LRRC27: variants seen among roughly 807,000 people sequenced by gnomAD.
The protein encoded by LRRC27 is leucine-rich repeat-containing protein 27.
In LRRC27, 57 loss-of-function variants were observed where a neutral mutation model predicts 55.0. That is an observed-to-expected ratio of 1.04 (90% CI 0.84 to 1.29). LRRC27 has a LOEUF of 1.29. Ranked by LOEUF, LRRC27 falls within the 50% of genes most tolerant of loss-of-function variation. The pLI is 0.00. For synonymous variants in LRRC27, 278 were observed against 251.9 expected (o/e 1.10, Z -0.98); for missense variants, 721 against 651.5 (o/e 1.11, Z -1.16).
At chr10:132,334,667 C>T (rs2067031033) in intron 2 of LRRC27, among the ~76,000 whole-genome samples, 1 of 152,220 alleles carries the variant, frequency 6.6e-6, no homozygotes. Flanking sequence ...TCTTTCTTTC[C>T]TTCATGCTGA....
chr10:132,341,450 A>G (rs2067411150), intron 3 of LRRC27, among the ~76,000 whole-genome samples: 1 of 152,196 alleles, frequency 6.6e-6, no homozygotes, highest in African/African-American at 2.4e-5. Context: ...AAGTTACAAA[A>G]TAGAGTTTAA....
chr10:132,344,559 G>A lies in LRRC27; in HGVS notation c.462G>A (p.Gln154=), dbSNP rs755372917. 6.2e-7 allele frequency: 1 copy of A among 1,614,106 alleles called. No individual in the cohort carries two copies. Among genetic ancestry groups the A allele is most frequent in the East Asian group, 2.2e-5 (1 of 44,894 alleles). The change falls in exon 5 of 11, where the codon CAG becomes CAA. Residue 154 remains glutamine (Q), a synonymous_variant. Coordinates refer to ENST00000368614, the MANE Select transcript of LRRC27 (RefSeq NM_030626.3). ...LRHCPLEFPP[Q]LVVQKGLVAI... is the part of the protein sequence containing the mutation. ...ACTGCCCTCTGGAATTCCCTCCTCA[G>A]CTCGTTGTGCAGAAGGGATTGGTGG...
At chr10:132,370,963 C>T (rs1014984947) in intron 10 of LRRC27, among the ~76,000 whole-genome samples, 2 of 152,220 alleles carry the variant, frequency 1.3e-5, no homozygotes, top group African/African-American at 4.8e-5. Flanking sequence ...GAGCAAACCC[C>T]GCAGCAGCGT....
intron 2 of LRRC27, among the ~76,000 whole-genome samples, chr10:132,334,807 C>G (rs898163079): frequency 5.3e-5 from 8 of 152,152 alleles, no homozygotes; most frequent in African/African-American, 1.9e-4. Flanking sequence ...GTTTCTGTTA[C>G]CTTTATGCAC....
intron 6 of LRRC27, chr10:132,349,192 C>G: frequency 1.4e-6 from 1 of 690,452 alleles, no homozygotes. Context: ...GGCACATTGT[C>G]ATAGCCGAGG....
intron 8 of LRRC27, among the ~76,000 whole-genome samples, chr10:132,358,999 CG>C: frequency 2.2e-5 from 1 of 45,882 alleles, no homozygotes; most frequent in South Asian, 1.1e-3. Flanking sequence ...GGGAAGGAGC[CG>C]AGGTGGTGGA....
chr10:132,337,743 C>A lies in LRRC27; in HGVS notation c.341+48C>A, dbSNP rs773790021. On this transcript the variant is annotated intron_variant, in intron 3 of 10. Coordinates refer to ENST00000368614, the MANE Select transcript of LRRC27 (RefSeq NM_030626.3). ...TTTTAAAAATCATCTTTTCAGTGCA[C>A]GAGTGCCTGTTCTTTCGCTCCTTGT... The A allele has an allele frequency of 2.5e-6, 4 of 1,598,226 alleles. No homozygotes were observed. In the Admixed American group the frequency reaches 6.8e-5, roughly 27 times the overall value.
rs1384095712 is a variant in LRRC27, at chr10:132,375,147, G to A, written c.1498G>A (p.Gly500Arg). The A allele has an allele frequency of 6.2e-7, 1 of 1,614,138 alleles. No homozygotes were observed. The highest frequency in any genetic ancestry group is 8.5e-7 in the Non-Finnish European group (1 of 1,179,998). ...AGATCGTCGACGGGCGGCCCTCACTGGAAACCTTTCGCTTGGCCTGCCGGC... is the reference window on the plus strand; with the variant it reads ...AGATCGTCGACGGGCGGCCCTCACTAGAAACCTTTCGCTTGGCCTGCCGGC... ...NKDRRRAALT[G>R]NLSLGLPAAQ... Residue 500 changes from glycine to arginine, a missense_variant, in exon 11 of 11, where the codon GGA (glycine) becomes AGA (arginine). By Grantham distance (125) the Gly-to-Arg change is moderately radical. Coordinates refer to ENST00000368614, the MANE Select transcript of LRRC27 (RefSeq NM_030626.3).
chr10:132,349,553 C>G (rs1198211210), intron 6 of LRRC27, among the ~76,000 whole-genome samples: 1 of 152,210 alleles, frequency 6.6e-6, no homozygotes, highest in Non-Finnish European at 1.5e-5. Flanking sequence ...TATCCTGAGC[C>G]TGCTGCTTAG....
At chr10:132,371,935 C>T (rs2069226282) in intron 10 of LRRC27, among the ~76,000 whole-genome samples, 1 of 152,232 alleles carries the variant, frequency 6.6e-6, no homozygotes. Flanking sequence ...TGGGGGCTGG[C>T]AGGTGAGCCC....
At chr10:132,371,182 C>T (rs895823361) in intron 10 of LRRC27, among the ~76,000 whole-genome samples, 17 of 152,256 alleles carry the variant, frequency 1.1e-4, no homozygotes, top group Non-Finnish European at 1.5e-5. Flanking sequence ...CCGCGCATGG[C>T]GTGGCGCTGG....
At chr10:132,340,564 A>G (rs1050969711) in intron 3 of LRRC27, among the ~76,000 whole-genome samples, 1 of 152,192 alleles carries the variant, frequency 6.6e-6, no homozygotes, top group African/African-American at 2.4e-5. Flanking sequence ...ATACTAGCAA[A>G]ATTCAGAGGG....
At chr10:132,335,660 T>A (rs904694108) in intron 2 of LRRC27, among the ~76,000 whole-genome samples, 1 of 152,100 alleles carries the variant, frequency 6.6e-6, no homozygotes, top group Non-Finnish European at 1.5e-5. Flanking sequence ...TGGTTCCTCA[T>A]AGGCAGAGTA....
upstream of LRRC27, chr10:132,331,731 T>C: frequency 6.2e-7 from 1 of 1,612,360 alleles, no homozygotes; most frequent in South Asian, 1.1e-5. Flanking sequence ...AGACGGCACT[T>C]AGCATCCCGC....
intron 10 of LRRC27, 141 bp downstream of exon 10, chr10:132,365,691 T>C: frequency 2.9e-6 from 3 of 1,045,928 alleles, no homozygotes; most frequent in Non-Finnish European, 4.0e-6. Flanking sequence ...AGCCTCCACC[T>C]CCCAGGTTCA....
chr10:132,361,484 G>A lies in LRRC27; in HGVS notation c.1198G>A (p.Asp400Asn), dbSNP rs765412847. ...GGCATCAAAGATTCCCTCTGCCACAGATCTGATAGATAACAGGAAAGTACC... is the reference window on the plus strand; with the variant it reads ...GGCATCAAAGATTCCCTCTGCCACAAATCTGATAGATAACAGGAAAGTACC... Reference protein sequence around the residue: ...MVASKIPSATDLIDNRKVPLN... With the variant: ...MVASKIPSATNLIDNRKVPLN... The change falls in exon 9 of 11, where the codon GAT becomes AAT. Residue 400 changes from aspartate (D) to asparagine (N), a missense_variant. Physicochemically the swap from Asp to Asn is conservative, Grantham distance 23 (BLOSUM62 1). Coordinates refer to ENST00000368614, the MANE Select transcript of LRRC27 (RefSeq NM_030626.3). The A allele has an allele frequency of 1.1e-5, 18 of 1,613,748 alleles. No individual in the cohort carries two copies. The highest frequency in any genetic ancestry group is 1.6e-4 in the Middle Eastern group (1 of 6,084).
chr10:132,345,850 C>A (rs1027893172), intron 5 of LRRC27, among the ~76,000 whole-genome samples: 1 of 152,188 alleles, frequency 6.6e-6, no homozygotes, highest in Non-Finnish European at 1.5e-5. Context: ...GTTGAAGGTT[C>A]ATTCCAGTTG....
chr10:132,347,999 G>C lies in LRRC27; in HGVS notation c.569G>C (p.Arg190Thr). ...ACTCTCCCAGAGGCTCCACCGGTTA[G>C]AGAGATGACCCTCCGTGACCTCCCG... ...NPTSQEAPPV[R>T]EMTLRDLPSP... The change falls in exon 6 of 11, where the codon AGA becomes ACA. Residue 190 changes from arginine (R) to threonine (T), a missense_variant. Coordinates refer to ENST00000368614, the MANE Select transcript of LRRC27 (RefSeq NM_030626.3). 1.9e-6 allele frequency: 3 copies of C among 1,608,520 alleles called. No individual in the cohort carries two copies. The highest frequency in any genetic ancestry group is 2.5e-6 in the Non-Finnish European group (3 of 1,178,002).
At chr10:132,366,968 A>G (rs1405191004) in intron 10 of LRRC27, 2 of 1,274,350 alleles carry the variant, frequency 1.6e-6, no homozygotes, top group East Asian at 1.2e-4. Flanking sequence ...AGGAGTTTGT[A>G]TCTGCCTTTA....
Sources: gnomAD v4.1 joint callset for allele counts (sites outside exome capture counted in the v4.1 genomes callset) on GRCh38, gnomAD v4.1.1 for gene constraint, MANE v1.5 for transcripts, NCBI Gene and HGNC (gene_info 2026-07-23, HGNC 2026-07-21) for gene names.